The following DISC1 variants were observed in gnomAD, a reference collection of about 807,000 sequenced individuals.
DISC1 encodes the protein DISC1 scaffold protein, also known as disrupted in schizophrenia 1 protein.
In DISC1, 57 loss-of-function variants were observed where a neutral mutation model predicts 84.5. The ratio of observed to expected loss-of-function variants is 0.67; its 90% CI spans 0.55 to 0.84. DISC1 has a LOEUF of 0.84. DISC1 is among the 40% of genes least tolerant of loss of function. The pLI is 0.00. For synonymous variants in DISC1, 411 were observed against 415.2 expected (o/e 0.99, Z 0.12); for missense variants, 1,000 against 1,057.8 (o/e 0.95, Z 0.76).
intron 2 of DISC1, among the ~76,000 whole-genome samples, chr1:231,701,284 C>G (rs2066383128): frequency 6.6e-6 from 1 of 152,142 alleles, no homozygotes; most frequent in East Asian, 1.9e-4. Flanking sequence ...CAATTACCTC[C>G]CACGACATGC....
intron 6 of DISC1, among the ~76,000 whole-genome samples, chr1:231,772,812 A>G (rs910382571): frequency 6.6e-6 from 1 of 152,196 alleles, no homozygotes. Flanking sequence ...GGCACATGCT[A>G]TTCTAGGGAG....
intron 3 of DISC1, among the ~76,000 whole-genome samples, chr1:231,706,879 T>C (rs986274630): frequency 3.9e-5 from 6 of 152,162 alleles, no homozygotes; most frequent in Non-Finnish European, 5.9e-5. Context: ...ACTGATGGTG[T>C]GCAAATTACC....
chr1:231,884,772 G>A (rs1333205867), intron 9 of DISC1, among the ~76,000 whole-genome samples: 1 of 150,942 alleles, frequency 6.6e-6, no homozygotes, highest in Non-Finnish European at 1.5e-5. Flanking sequence ...AATCATACAT[G>A]GACCTCCGAA....
intron 1 of DISC1, among the ~76,000 whole-genome samples, chr1:231,635,896 T>G (rs1312188556): frequency 2.0e-5 from 3 of 152,186 alleles, no homozygotes; most frequent in African/African-American, 7.2e-5. Flanking sequence ...TATAGTCCCG[T>G]GGAAAAAAGA....
intron 9 of DISC1, among the ~76,000 whole-genome samples, chr1:231,898,928 C>G (rs963694723): frequency 6.7e-6 from 1 of 150,370 alleles, no homozygotes; most frequent in African/African-American, 2.4e-5. Flanking sequence ...GCAAGACTGT[C>G]TAAAGACAAA....
chr1:231,918,880 A>G (rs899533694), intron 9 of DISC1, among the ~76,000 whole-genome samples: 1 of 152,164 alleles, frequency 6.6e-6, no homozygotes, highest in Non-Finnish European at 1.5e-5. Flanking sequence ...AGTTGCAAAT[A>G]TTCTTTTGTG....
intron 9 of DISC1, among the ~76,000 whole-genome samples, chr1:231,918,062 C>T (rs955189978): frequency 1.3e-5 from 2 of 152,218 alleles, no homozygotes; most frequent in Non-Finnish European, 2.9e-5. Flanking sequence ...TGACTTTGTC[C>T]TCACAGTCAT....
chr1:231,830,843 A>T (rs965763236), intron 9 of DISC1, among the ~76,000 whole-genome samples: 7 of 152,164 alleles, frequency 4.6e-5, no homozygotes, highest in African/African-American at 1.7e-4. Context: ...GAGCTTGGTG[A>T]GGTGTGTTTT....
At chr1:231,856,574 A>T (rs1012159508) in intron 9 of DISC1, among the ~76,000 whole-genome samples, 2 of 151,984 alleles carry the variant, frequency 1.3e-5, no homozygotes, top group African/African-American at 4.8e-5. Context: ...CAGGCACATG[A>T]CCTTCTAGTT....
At chr1:231,823,056 C>T (rs2081611814) in intron 9 of DISC1, among the ~76,000 whole-genome samples, 2 of 152,188 alleles carry the variant, frequency 1.3e-5, no homozygotes, top group Non-Finnish European at 2.9e-5. Flanking sequence ...GAAACTATAG[C>T]AGTGACAGAT....
chr1:232,010,985 T>C (rs1259004046), intron 11 of DISC1, among the ~76,000 whole-genome samples: 1 of 152,146 alleles, frequency 6.6e-6, no homozygotes, highest in Non-Finnish European at 1.5e-5. Context: ...AGAGAGACTT[T>C]CCTGCTTCTG....
At chr1:231,971,625 CTT>C (rs1217605246) in intron 10 of DISC1, among the ~76,000 whole-genome samples, 4 of 152,220 alleles carry the variant, frequency 2.6e-5, no homozygotes, top group Non-Finnish European at 5.9e-5. Flanking sequence ...GCTGCAGACA[CTT>C]TAGGTGCTGG....
At chr1:232,003,004 A>G (rs1666906857) in intron 10 of DISC1, among the ~76,000 whole-genome samples, 1 of 152,226 alleles carries the variant, frequency 6.6e-6, no homozygotes, top group Non-Finnish European at 1.5e-5. Flanking sequence ...AGAACTGGGT[A>G]AAGGTACATG....
chr1:231,931,567 T>C (rs1249214578), intron 9 of DISC1, among the ~76,000 whole-genome samples: 2 of 152,100 alleles, frequency 1.3e-5, no homozygotes, highest in East Asian at 3.9e-4. Context: ...GCACAGAATA[T>C]GTGTGCTGTT....
Position 231,882,152 on chromosome 1 carries a change from C to T in DISC1, c.1981+63635C>T, listed in dbSNP as rs184445757. Among the ~76,000 whole-genome samples, 65 of 152,270 alleles carry T rather than the reference C, an allele frequency of 4.3e-4. 1 individual carries two copies. In the East Asian group the frequency reaches 7.1e-3, roughly 17 times the overall value. On this transcript the variant is annotated intron_variant, in intron 9 of 12. Coordinates refer to ENST00000439617, the MANE Select transcript of DISC1 (RefSeq NM_018662.3). ...TAAATATGGGCATAGCGATTGTTAA[C>T]GGCTAACTTTTGGGTGAATGCACTA...
intron 9 of DISC1, among the ~76,000 whole-genome samples, chr1:231,870,656 C>G (rs1027711620): frequency 6.6e-6 from 1 of 152,062 alleles, no homozygotes; most frequent in African/African-American, 2.4e-5. Flanking sequence ...GATTGACAGC[C>G]CCCCAAAAAG....
At chr1:231,699,558 C>T (rs1189285543) in intron 2 of DISC1, among the ~76,000 whole-genome samples, 3 of 152,302 alleles carry the variant, frequency 2.0e-5, no homozygotes, top group Non-Finnish European at 2.9e-5. Context: ...TGAATATAAC[C>T]GGAATCAGAT....
chr1:231,690,310 G>A (rs2064839811), intron 1 of DISC1, among the ~76,000 whole-genome samples: 1 of 152,222 alleles, frequency 6.6e-6, no homozygotes, highest in Non-Finnish European at 1.5e-5. Context: ...TCGAGCAGCA[G>A]AGAAAGCTGC....
intron 1 of DISC1, among the ~76,000 whole-genome samples, chr1:231,631,934 A>G (rs1411840392): frequency 6.6e-6 from 1 of 152,196 alleles, no homozygotes; most frequent in Admixed American, 6.5e-5. Context: ...CACCCAGAGC[A>G]ACTTCCAGTC....
Sources: gnomAD v4.1 joint callset for allele counts (sites outside exome capture counted in the v4.1 genomes callset) on GRCh38, gnomAD v4.1.1 for gene constraint, MANE v1.5 for transcripts, NCBI Gene and HGNC (gene_info 2026-07-23, HGNC 2026-07-21) for gene names.